Variants in PCDH7 observed in about 807,000 individuals in gnomAD.
PCDH7 encodes protocadherin 7.
A neutral mutation model predicts 58.9 loss-of-function variants in PCDH7; 17 were observed. That is an observed-to-expected ratio of 0.29 (90% confidence interval 0.20 to 0.43). PCDH7 has a LOEUF of 0.43. Among genes scored for constraint, PCDH7 ranks in the 20% least tolerant of loss-of-function variants. The pLI, the probability that PCDH7 is intolerant of heterozygous loss-of-function variation, is 1.00. For synonymous variants in PCDH7, 664 were observed against 616.4 expected (o/e 1.08, Z -1.14); for missense variants, 1,274 against 1,441.0 (o/e 0.88, Z 1.88).
At chr4:31,027,908 T>G (rs1175042761) in intron 3 of PCDH7, among the ~76,000 whole-genome samples, 3 of 152,230 alleles carry the variant, frequency 2.0e-5, no homozygotes, top group African/African-American at 7.2e-5. Context: ...ATTGGTATTT[T>G]ATCAACTTGA....
intron 3 of PCDH7, among the ~76,000 whole-genome samples, chr4:31,043,680 C>G (rs542666801): frequency 2.0e-5 from 3 of 152,154 alleles, no homozygotes; most frequent in South Asian, 2.1e-4. Context: ...CTTGTAGATG[C>G]TGGACGTTAG....
At chr4:30,982,659 C>A (rs542427619) in intron 3 of PCDH7, among the ~76,000 whole-genome samples, 79 of 152,154 alleles carry the variant, frequency 5.2e-4, no homozygotes, top group Non-Finnish European at 4.0e-4. Context: ...TGACCTGGTG[C>A]ATTATATATA....
chr4:30,721,587 G>T lies in PCDH7; in HGVS notation c.165G>T (p.Leu55=). 6.2e-7 allele frequency: 1 copy of T among 1,610,138 alleles called. No homozygotes were observed. The highest frequency in any genetic ancestry group is 8.5e-7 in the Non-Finnish European group (1 of 1,179,896). The change falls in exon 1 of 2, where the codon CTG becomes CTT. Residue 55 remains leucine (L), a synonymous_variant. Transcript: ENST00000361762. This position sits in a 1 kb window ranked among gnomAD's most constrained non-coding sequence, Gnocchi z 6.7. ...GCATCGGCAACGTGGCTTCAGACCT[G>T]GGCATCGTGACCGGATCGGGTGAGG...
downstream of PCDH7, chr4:31,145,376 G>T (rs1720610910): frequency 6.6e-6 from 1 of 151,890 alleles, no homozygotes; most frequent in African/African-American, 2.4e-5. Context: ...GCATGACACA[G>T]AAATATATTT....
chr4:31,079,584 C>A (rs965656611), intron 3 of PCDH7, among the ~76,000 whole-genome samples: 1 of 148,020 alleles, frequency 6.8e-6, no homozygotes, highest in Non-Finnish European at 1.5e-5. Flanking sequence ...TTTTCATATA[C>A]TGTTTTTTTT....
chr4:30,997,596 A>G (rs1202816568), intron 3 of PCDH7, among the ~76,000 whole-genome samples: 2 of 152,180 alleles, frequency 1.3e-5, no homozygotes, highest in Non-Finnish European at 2.9e-5. Flanking sequence ...TTTAAATTAC[A>G]CAGAAATAAA....
At chr4:30,886,019 C>G (rs1464862855) in intron 1 of PCDH7, among the ~76,000 whole-genome samples, 1 of 151,648 alleles carries the variant, frequency 6.6e-6, no homozygotes, top group Non-Finnish European at 1.5e-5. Flanking sequence ...CATAAAAACT[C>G]TAGAAGAAAA....
intron 3 of PCDH7, among the ~76,000 whole-genome samples, chr4:30,969,678 G>T (rs1749380737): frequency 1.3e-5 from 2 of 152,150 alleles, no homozygotes; most frequent in South Asian, 4.1e-4. Context: ...GAGAGACAGA[G>T]AGAGAAAGAG....
chr4:30,758,869 A>G (rs1719654470), intron 1 of PCDH7, among the ~76,000 whole-genome samples: 1 of 151,532 alleles, frequency 6.6e-6, no homozygotes, highest in Non-Finnish European at 1.5e-5. Flanking sequence ...ACTCTAGCAC[A>G]TTAAGATAGA....
chr4:31,001,658 A>G (rs1008208487), intron 3 of PCDH7, among the ~76,000 whole-genome samples: 3 of 152,178 alleles, frequency 2.0e-5, no homozygotes, highest in African/African-American at 7.2e-5. Flanking sequence ...AAAAGAAGTT[A>G]AAAAAGCACA....
chr4:30,728,675 A>G (rs377698762), intron 1 of PCDH7, among the ~76,000 whole-genome samples: 1 of 151,870 alleles, frequency 6.6e-6, no homozygotes, highest in Non-Finnish European at 1.5e-5. Context: ...TTTGAATCTT[A>G]TCCAAAACTT....
intron 3 of PCDH7, among the ~76,000 whole-genome samples, chr4:31,024,032 C>T (rs1438723879): frequency 6.6e-6 from 1 of 152,124 alleles, no homozygotes; most frequent in Non-Finnish European, 1.5e-5. Context: ...GGGATTGATG[C>T]TTTTCAGTAA....
At chr4:31,137,782 T>C (rs2109343989) in intron 3 of PCDH7, among the ~76,000 whole-genome samples, 1 of 152,242 alleles carries the variant, frequency 6.6e-6, no homozygotes, top group Admixed American at 6.5e-5. Flanking sequence ...AATTAAATAA[T>C]ATGTGAGTTA....
chr4:30,837,249 C>A (rs796809306), intron 1 of PCDH7, among the ~76,000 whole-genome samples: 48 of 152,136 alleles, frequency 3.2e-4, no homozygotes, highest in African/African-American at 1.1e-3. Flanking sequence ...TTCCTGCTGG[C>A]CACCTGCAGT....
At chr4:30,892,856 G>A (rs1479254143) in intron 1 of PCDH7, among the ~76,000 whole-genome samples, 1 of 152,048 alleles carries the variant, frequency 6.6e-6, no homozygotes, top group African/African-American at 2.4e-5. Flanking sequence ...TCATGGATTA[G>A]GGATACTCAA....
At chr4:30,833,240 G>A (rs1730036020) in intron 1 of PCDH7, among the ~76,000 whole-genome samples, 1 of 152,102 alleles carries the variant, frequency 6.6e-6, no homozygotes, top group Admixed American at 6.6e-5. Flanking sequence ...GAGGCCAGAA[G>A]CAGGAAATGG....
At chr4:30,918,189 A>T (rs1404453650) in intron 1 of PCDH7, among the ~76,000 whole-genome samples, 3 of 152,150 alleles carry the variant, frequency 2.0e-5, no homozygotes, top group African/African-American at 4.8e-5. Context: ...GCTAAATTCA[A>T]CATTGTCATT....
intron 3 of PCDH7, among the ~76,000 whole-genome samples, chr4:31,101,862 C>T (rs375809246): frequency 2.0e-5 from 3 of 152,074 alleles, no homozygotes; most frequent in Admixed American, 6.5e-5. Flanking sequence ...TGTACACTCT[C>T]GTGGTAAAAT....
chr4:30,897,931 A>T (rs1337237808), intron 1 of PCDH7, among the ~76,000 whole-genome samples: 14 of 152,176 alleles, frequency 9.2e-5, no homozygotes, highest in Non-Finnish European at 1.8e-4. Context: ...TGGTATAATC[A>T]GCTCTCTGCC....
Sources: allele counts gnomAD v4.1 joint callset (sites outside exome capture counted in the v4.1 genomes callset), GRCh38; gene constraint gnomAD v4.1.1; non-coding constraint Gnocchi (gnomAD v3.1); transcripts MANE v1.5; gene names NCBI Gene and HGNC (gene_info 2026-07-23, HGNC 2026-07-21).